ST18: variants seen among roughly 807,000 people sequenced by gnomAD.
ST18 encodes the protein suppression of tumorigenicity 18 protein.
In ST18, 50 loss-of-function variants were observed where a neutral mutation model predicts 110.0. The ratio of observed to expected loss-of-function variants is 0.45; its 90% CI spans 0.36 to 0.58. The LOEUF (loss-of-function observed/expected upper bound fraction) is 0.58. Ranked by LOEUF, ST18 falls within the 20% of genes least tolerant of loss-of-function variation. The pLI is 0.00. For synonymous variants in ST18, 461 were observed against 452.4 expected (o/e 1.02, Z -0.24); for missense variants, 1,306 against 1,280.1 (o/e 1.02, Z -0.31).
At chr8:52,234,899 G>A (rs1362628344) in intron 2 of ST18, among the ~76,000 whole-genome samples, 4 of 152,116 alleles carry the variant, frequency 2.6e-5, no homozygotes, top group African/African-American at 9.7e-5. Flanking sequence ...TCACATGTAA[G>A]TGGGAGCTAA....
intron 2 of ST18, chr8:52,393,915 C>T (rs1015606322): frequency 7.3e-5 from 11 of 151,400 alleles, no homozygotes; most frequent in Non-Finnish European, 1.6e-4. Context: ...ATTATGAAAC[C>T]ATTAATAATG....
intron 2 of ST18, among the ~76,000 whole-genome samples, chr8:52,368,097 T>C (rs1828855231): frequency 6.6e-6 from 1 of 152,170 alleles, no homozygotes; most frequent in African/African-American, 2.4e-5. Context: ...AAGAATATAT[T>C]GCAGTGGCAA....
At chr8:52,382,595 T>G (rs1049208388) in intron 2 of ST18, among the ~76,000 whole-genome samples, 8 of 152,062 alleles carry the variant, frequency 5.3e-5, no homozygotes, top group African/African-American at 1.9e-4. Flanking sequence ...CAAAACATCG[T>G]GTCCAGAAGA....
intron 2 of ST18, among the ~76,000 whole-genome samples, chr8:52,293,889 G>C (rs915407248): frequency 6.6e-6 from 1 of 152,138 alleles, no homozygotes; most frequent in Admixed American, 6.5e-5. Flanking sequence ...TCCTAGAATT[G>C]AATCTGAAGC....
chr8:52,383,950 G>A (rs779287028), intron 2 of ST18, among the ~76,000 whole-genome samples: 1 of 151,890 alleles, frequency 6.6e-6, no homozygotes, highest in Non-Finnish European at 1.5e-5. Flanking sequence ...GGAGGTCTAT[G>A]TTGCCCAGGC....
intron 2 of ST18, among the ~76,000 whole-genome samples, chr8:52,274,037 T>G (rs2095159575): frequency 6.6e-6 from 1 of 152,190 alleles, no homozygotes; most frequent in African/African-American, 2.4e-5. Flanking sequence ...CTGTGTATCC[T>G]CTCTACACTG....
intron 2 of ST18, among the ~76,000 whole-genome samples, chr8:52,273,515 C>A (rs1281470557): frequency 6.6e-6 from 1 of 152,116 alleles, no homozygotes; most frequent in African/African-American, 2.4e-5. Context: ...TTCCACAATT[C>A]CCCACATCTA....
At chr8:52,235,490 T>C (rs2092486330) in intron 2 of ST18, among the ~76,000 whole-genome samples, 1 of 152,166 alleles carries the variant, frequency 6.6e-6, no homozygotes. Context: ...TGACTAATTG[T>C]TATATTAACG....
chr8:52,316,477 T>C (rs937495731), intron 2 of ST18, among the ~76,000 whole-genome samples: 2 of 152,248 alleles, frequency 1.3e-5, no homozygotes, highest in African/African-American at 4.8e-5. Flanking sequence ...TACACTTTTA[T>C]AATATTGAGT....
chr8:52,178,901 T>C (rs1406259334), intron 9 of ST18, among the ~76,000 whole-genome samples: 1 of 152,132 alleles, frequency 6.6e-6, no homozygotes, highest in African/African-American at 2.4e-5. Flanking sequence ...TTACTGGATC[T>C]AGGATGATTC....
intron 2 of ST18, among the ~76,000 whole-genome samples, chr8:52,289,952 G>T (rs570100773): frequency 1.3e-5 from 2 of 152,070 alleles, no homozygotes; most frequent in East Asian, 3.9e-4. Flanking sequence ...GGGAAATGAT[G>T]GTTCAGAGAA....
intron 10 of ST18, among the ~76,000 whole-genome samples, chr8:52,170,932 C>T (rs7840176): frequency 2.0e-5 from 3 of 152,184 alleles, no homozygotes; most frequent in African/African-American, 7.2e-5. Flanking sequence ...TTCTTGTAAG[C>T]TCCTTGGGTC....
chr8:52,117,811 A>T (rs769902600), intron 24 of ST18, among the ~76,000 whole-genome samples: 18 of 152,172 alleles, frequency 1.2e-4, no homozygotes, highest in Non-Finnish European at 2.2e-4. Flanking sequence ...AAAATCTTGG[A>T]CTGAACTGTT....
chr8:52,290,046 T>C (rs1421096957), intron 2 of ST18, among the ~76,000 whole-genome samples: 5 of 152,074 alleles, frequency 3.3e-5, no homozygotes, highest in African/African-American at 1.2e-4. Context: ...CGTCTTCAGG[T>C]GCATCGACTC....
chr8:52,236,195 G>A (rs971829259), intron 2 of ST18, among the ~76,000 whole-genome samples: 1 of 152,090 alleles, frequency 6.6e-6, no homozygotes, highest in African/African-American at 2.4e-5. Context: ...TGAAGGCATC[G>A]GACTAGACAT....
At chr8:52,237,101 A>T (rs978407241) in intron 2 of ST18, among the ~76,000 whole-genome samples, 1 of 152,228 alleles carries the variant, frequency 6.6e-6, no homozygotes, top group Non-Finnish European at 1.5e-5. Context: ...TCCAAGGATC[A>T]CATGAGATGC....
chr8:52,190,501 C>T (rs1213304287), intron 8 of ST18, among the ~76,000 whole-genome samples: 1 of 152,192 alleles, frequency 6.6e-6, no homozygotes, highest in Admixed American at 6.5e-5. Flanking sequence ...CTGATCCCAA[C>T]TGCAGCTGCT....
At chr8:52,215,269 G>A (rs2083730006) in intron 6 of ST18, among the ~76,000 whole-genome samples, 1 of 151,996 alleles carries the variant, frequency 6.6e-6, no homozygotes, top group Non-Finnish European at 1.5e-5. Context: ...TGGCAATGAT[G>A]GACTTTAATT....
intron 2 of ST18, among the ~76,000 whole-genome samples, chr8:52,347,720 A>G (rs1818392605): frequency 6.6e-6 from 1 of 152,214 alleles, no homozygotes; most frequent in Admixed American, 6.5e-5. Context: ...ACAACAACTC[A>G]AAGAGAAAAA....
Sources: gnomAD v4.1 joint callset for allele counts (sites outside exome capture counted in the v4.1 genomes callset) on GRCh38, gnomAD v4.1.1 for gene constraint, MANE v1.5 for transcripts, NCBI Gene and HGNC (gene_info 2026-07-23, HGNC 2026-07-21) for gene names.